The following CENPV variants were observed in gnomAD, a reference collection of about 807,000 sequenced individuals.
The protein encoded by CENPV is centromere protein V.
In CENPV, 15 loss-of-function variants were observed where a neutral mutation model predicts 26.4. The ratio of observed to expected loss-of-function variants is 0.57; its 90% CI spans 0.38 to 0.88. CENPV has a LOEUF of 0.88. CENPV is among the 40% of genes least tolerant of loss of function. The pLI is 0.00. For synonymous variants in CENPV, 172 were observed against 165.5 expected (o/e 1.04, Z -0.30); for missense variants, 336 against 376.5 (o/e 0.89, Z 0.89).
At chr17:16,348,009 C>T (rs2093214624) in intron 3 of CENPV, 3 of 152,212 alleles carry the variant, frequency 2.0e-5, no homozygotes, top group African/African-American at 7.2e-5. Context: ...TACACAAAGA[C>T]AGACACCAAA....
intron 2 of CENPV, 186 bp from the exon 3 acceptor site, chr17:16,348,871 G>A (rs893953428): frequency 1.4e-6 from 2 of 1,383,090 alleles, no homozygotes; most frequent in Middle Eastern, 2.8e-4. Flanking sequence ...GCAGAGCCCA[G>A]GGGGGTCCCA....
At chr17:16,344,486 G>A (rs2093196346) in intron 4 of CENPV, 111 bp downstream of exon 4, 1 of 501,412 alleles carries the variant, frequency 2.0e-6, no homozygotes, top group Non-Finnish European at 3.5e-6. Context: ...TCTAAGATAC[G>A]CATGTGACAG....
At position 16,342,750 on chromosome 17, in the gene CENPV, C is replaced by A; in HGVS notation, c.*67G>T. The A allele has an allele frequency of 1.2e-6, 2 of 1,602,124 alleles. No homozygotes were observed. The highest frequency in any genetic ancestry group is 1.7e-6 in the Non-Finnish European group (2 of 1,170,550). ...GCCACATTCAGGAGCACCACCGAGG[C>A]ACGGCAGGGAGAGCAAAGTTGCTGG... On this transcript the variant is annotated 3_prime_UTR_variant, in exon 5 of 5. Transcript: ENST00000299736.
intron 2 of CENPV, chr17:16,349,102 G>C (rs2093219583): frequency 1.0e-6 from 1 of 991,518 alleles, no homozygotes; most frequent in African/African-American, 1.7e-5. Flanking sequence ...CACGTCACAA[G>C]AAGTCCAGCT....
intron 1 of CENPV, among the ~76,000 whole-genome samples, chr17:16,352,822 A>G (rs962409716): frequency 6.6e-6 from 1 of 151,674 alleles, no homozygotes; most frequent in Non-Finnish European, 1.5e-5. Flanking sequence ...CCCAGGCCAC[A>G]CAGCCCTAGA....
Position 16,353,252 on chromosome 17 carries a change from C to CGCGGCTTCTCCGACG in CENPV, c.170_184dup (p.Pro57_Pro61dup). 2 of 1,416,440 alleles carry CGCGGCTTCTCCGACG rather than the reference C, an allele frequency of 1.4e-6. No homozygotes were observed. The highest frequency in any genetic ancestry group is 1.8e-6 in the Non-Finnish European group (2 of 1,086,164). The allele number at this position is 1,416,440 out of a possible 1,614,324, so 87.7% of individuals were successfully genotyped here. ...GGCCCGCGGCGACGAGCGCCTCAGC[C>CGCGGCTTCTCCGACG]GCGGCTTCTCCGACGGCGGCTTCTC... On this transcript the variant is annotated inframe_insertion, in exon 1 of 5. Coordinates refer to ENST00000299736, the MANE Select transcript of CENPV (RefSeq NM_181716.3).
chr17:16,350,104 AAGAC>A lies in CENPV; in HGVS notation c.411-79_411-76del, dbSNP rs1211663936. 8 of 1,548,188 alleles carry A rather than the reference AAGAC, an allele frequency of 5.2e-6. No individual in the cohort carries two copies. In the South Asian group the frequency reaches 6.0e-5, roughly 12 times the overall value. On this transcript the variant is annotated intron_variant, in intron 1 of 4. Transcript: ENST00000299736. ...CTGCTCTCTTTTTGTTGCTGAAAGA[AAGAC>A]AGAAGATTAGACAAAAGTCTTTTCT... is the stretch of plus-strand genomic sequence containing the variant.
At chr17:16,348,843 C>T in intron 2 of CENPV, 158 bp from the exon 3 acceptor site, 1 of 1,426,560 alleles carries the variant, frequency 7.0e-7, no homozygotes, top group South Asian at 1.4e-5. Flanking sequence ...ATAGCAGTGC[C>T]TCTGGTTTGC....
intron 1 of CENPV, 63 bp downstream of exon 1, chr17:16,352,961 GCCC>G: frequency 6.9e-7 from 1 of 1,455,210 alleles, no homozygotes; most frequent in South Asian, 1.4e-5. Flanking sequence ...CGGGCTGCGA[GCCC>G]GACTCCTGCC....
At position 16,342,934 on chromosome 17, in the gene CENPV, G is replaced by A; in HGVS notation, c.702C>T (p.Ala234=). The A allele has an allele frequency of 3.1e-6, 5 of 1,614,134 alleles. No individual in the cohort carries two copies. The highest frequency in any genetic ancestry group is 1.1e-5 in the South Asian group (1 of 91,084). ...CAGTGCCCTCATCCAGGCAGTGGGG[G>A]GCAATTCCTACGAGAAAGTGGCACA... ...PRSNPGGFGI[A]PHCLDEGTVR... The change falls in exon 5 of 5, where the codon GCC becomes GCT. Residue 234 remains alanine (A), a synonymous_variant. Coordinates refer to ENST00000299736, the MANE Select transcript of CENPV (RefSeq NM_181716.3).
At position 16,342,945 on chromosome 17, in the gene CENPV, C is replaced by G. The variant is rs370608826; in HGVS notation, c.695-4G>C. 17 of 1,613,904 alleles carry G rather than the reference C, an allele frequency of 1.1e-5. No homozygotes were observed. The African/African-American group carries it at 1.3e-4, about 13-fold the overall frequency. On this transcript the variant is annotated splice_polypyrimidine_tract_variant and splice_region_variant and intron_variant, in intron 4 of 4. Coordinates refer to ENST00000299736, the MANE Select transcript of CENPV (RefSeq NM_181716.3). ...TCCAGGCAGTGGGGGGCAATTCCTA[C>G]GAGAAAGTGGCACAGACAAAGGGGG...
chr17:16,348,002 A>G (rs904283263), intron 3 of CENPV: 4 of 152,462 alleles, frequency 2.6e-5, no homozygotes, highest in Non-Finnish European at 5.9e-5. Context: ...AAAATAATAC[A>G]CAAAGACAGA....
At position 16,348,600 on chromosome 17, in the gene CENPV, G is replaced by A. The variant is rs373451091; in HGVS notation, c.579+16C>T. 2 of 1,613,888 alleles carry A rather than the reference G, an allele frequency of 1.2e-6. No homozygotes were observed. Among genetic ancestry groups the A allele is most frequent in the African/African-American group, 1.3e-5 (1 of 75,062 alleles). On this transcript the variant is annotated intron_variant, in intron 3 of 4. Transcript: ENST00000299736. Reference sequence around the variant, plus strand: ...AATGGGTTCTGCACTCCTTGACCCTGCTCTTAAGCACTGACCTTCAGGAGC... The same window carrying A: ...AATGGGTTCTGCACTCCTTGACCCTACTCTTAAGCACTGACCTTCAGGAGC...
intron 1 of CENPV, chr17:16,351,280 A>G (rs2093227946): frequency 6.6e-6 from 1 of 152,200 alleles, no homozygotes; most frequent in Non-Finnish European, 1.5e-5. Flanking sequence ...AAACTCAGAA[A>G]TGAACATTAA....
chr17:16,343,087 A>G (rs2093189401), intron 4 of CENPV, 146 bp from the exon 5 acceptor site: 1 of 931,694 alleles, frequency 1.1e-6, no homozygotes, highest in Non-Finnish European at 1.6e-6. Context: ...TTATGGCTTC[A>G]GTGATGAGAC....
chr17:16,351,048 T>G (rs1600909448), intron 1 of CENPV: 1 of 152,134 alleles, frequency 6.6e-6, no homozygotes, highest in Non-Finnish European at 1.5e-5. Flanking sequence ...TTCTCCTGCC[T>G]CAGCCTCCCG....
chr17:16,349,130 C>T, intron 2 of CENPV: 1 of 989,418 alleles, frequency 1.0e-6, no homozygotes, highest in Non-Finnish European at 1.2e-6. Context: ...AAACACGTCC[C>T]CAGAATTACC....
intron 3 of CENPV, among the ~76,000 whole-genome samples, chr17:16,345,549 GA>G (rs1439918586): frequency 6.6e-6 from 1 of 151,900 alleles, no homozygotes; most frequent in Admixed American, 6.6e-5. Flanking sequence ...AAAAAATCTT[GA>G]AATAACTTAA....
intron 2 of CENPV, chr17:16,348,906 GC>G: frequency 7.5e-7 from 1 of 1,337,480 alleles, no homozygotes; most frequent in South Asian, 1.5e-5. Context: ...GTTCTGCAAT[GC>G]TCAGAACACA....
Sources: gnomAD v4.1 joint callset for allele counts (sites outside exome capture counted in the v4.1 genomes callset) on GRCh38, gnomAD v4.1.1 for gene constraint, MANE v1.5 for transcripts, NCBI Gene and HGNC (gene_info 2026-07-23, HGNC 2026-07-21) for gene names.